The following PLEKHA5 variants were observed in gnomAD, a reference collection of about 807,000 sequenced individuals.
PLEKHA5 encodes pleckstrin homology domain containing A5.
Under a neutral mutation model 181.9 loss-of-function variants are expected in PLEKHA5, and 55 were observed. The ratio of observed to expected loss-of-function variants is 0.30; its 90% CI spans 0.24 to 0.38. The LOEUF is 0.38. Ranked by LOEUF, PLEKHA5 falls within the 10% of genes least tolerant of loss-of-function variation. PLEKHA5 has a pLI of 1.00. For missense variants in PLEKHA5, 1,432 were observed against 1,549.5 expected (o/e 0.92, Z 1.27); for synonymous variants, 535 against 529.4 (o/e 1.01, Z -0.15).
At chr12:19,217,781 G>A (rs2058228821) in intron 3 of PLEKHA5, among the ~76,000 whole-genome samples, 1 of 152,200 alleles carries the variant, frequency 6.6e-6, no homozygotes, top group Non-Finnish European at 1.5e-5. Context: ...TCAGTAGCAT[G>A]ATTGGTGTGG....
At chr12:19,337,450 G>A (rs1758053776) in intron 21 of PLEKHA5, among the ~76,000 whole-genome samples, 1 of 149,956 alleles carries the variant, frequency 6.7e-6, no homozygotes, top group African/African-American at 2.5e-5. Context: ...TTGGGAGGCT[G>A]AGGCAGGAGA....
rs1342504826 is a variant in PLEKHA5, at chr12:19,151,802, A to G, written c.227+19352A>G. The G allele has an allele frequency of 2.6e-5, 4 of 151,800 alleles. No homozygotes were observed. The East Asian group carries it at 5.8e-4, about 22-fold the overall frequency. The allele number at this position is 151,800 out of a possible 1,614,324, so 9.4% of individuals were successfully genotyped here. The stretch of plus-strand genomic sequence containing the variant: ...TCAAAGATCTAAGCCTGGAACCTGG[A>G]CTTAAAAAAAAAATTCAAGGATCAA... On this transcript the variant is annotated intron_variant, in intron 3 of 31. Coordinates refer to ENST00000429027, the MANE Select transcript of PLEKHA5 (RefSeq NM_001256470.2).
intron 3 of PLEKHA5, chr12:19,154,299 T>C (rs2041166207): frequency 6.6e-6 from 1 of 152,310 alleles, no homozygotes; most frequent in Admixed American, 6.5e-5. Context: ...TTTTCCAGTT[T>C]TATAAACTTT....
chr12:19,349,643 A>AT (rs1381745651), intron 25 of PLEKHA5, among the ~76,000 whole-genome samples: 6 of 151,950 alleles, frequency 3.9e-5, no homozygotes, highest in African/African-American at 1.5e-4. Context: ...GTGGTGGCTA[A>AT]CGCCTGTAAT....
intron 3 of PLEKHA5, among the ~76,000 whole-genome samples, chr12:19,191,088 C>T (rs115585071): frequency 6.8e-4 from 103 of 152,250 alleles, no homozygotes; most frequent in African/African-American, 2.4e-3. Flanking sequence ...GACCCACTGT[C>T]CACTTTATAT....
At chr12:19,173,481 T>C (rs1217878577) in intron 3 of PLEKHA5, among the ~76,000 whole-genome samples, 6 of 152,124 alleles carry the variant, frequency 3.9e-5, no homozygotes, top group Non-Finnish European at 8.8e-5. Context: ...ATGTGCTCCA[T>C]TATCGGAGCC....
Position 19,344,285 on chromosome 12 carries a change from T to C in PLEKHA5, c.2662+851T>C, listed in dbSNP as rs148232074. Among the ~76,000 whole-genome samples the C allele has an allele frequency of 8.9e-3, 1,357 of 152,220 alleles. 10 individuals carry two copies. The highest frequency in any genetic ancestry group is 0.027 in the African/African-American group (1,134 of 41,548). ...TAAAAAGTGAAAGCTCTGTCAACCATACCTAAACAAAAATAATTATTGTCT... is the reference window on the plus strand; with the variant it reads ...TAAAAAGTGAAAGCTCTGTCAACCACACCTAAACAAAAATAATTATTGTCT... On this transcript the variant is annotated intron_variant, in intron 22 of 31. Transcript: ENST00000429027.
intron 3 of PLEKHA5, among the ~76,000 whole-genome samples, chr12:19,135,135 C>T (rs1485848121): frequency 6.6e-6 from 1 of 152,144 alleles, no homozygotes; most frequent in African/African-American, 2.4e-5. Context: ...GTTGTTTCTG[C>T]TTCCATTGTG....
chr12:19,142,330 C>G (rs1489673850), intron 3 of PLEKHA5, among the ~76,000 whole-genome samples: 1 of 152,168 alleles, frequency 6.6e-6, no homozygotes, highest in East Asian at 1.9e-4. Context: ...GATCATGCCA[C>G]TGCACTTCAG....
intron 30 of PLEKHA5, 111 bp from the exon 31 acceptor site, chr12:19,369,582 C>A (rs1329110482): frequency 1.0e-5 from 6 of 599,502 alleles, no homozygotes; most frequent in African/African-American, 9.3e-5. Context: ...GTATCTATTA[C>A]TTCCTTCTCA....
intron 3 of PLEKHA5, among the ~76,000 whole-genome samples, chr12:19,186,032 G>T (rs1297326604): frequency 1.3e-5 from 2 of 152,040 alleles, no homozygotes; most frequent in Non-Finnish European, 2.9e-5. Flanking sequence ...AAATATACTT[G>T]CCAACCACAT....
intron 15 of PLEKHA5, among the ~76,000 whole-genome samples, chr12:19,310,112 G>A (rs1221153079): frequency 6.6e-6 from 1 of 152,034 alleles, no homozygotes; most frequent in Non-Finnish European, 1.5e-5. Context: ...TGTATTACCT[G>A]TTACTTCAAA....
chr12:19,278,925 G>A (rs2075338184), intron 11 of PLEKHA5, among the ~76,000 whole-genome samples: 1 of 152,100 alleles, frequency 6.6e-6, no homozygotes, highest in African/African-American at 2.4e-5. Flanking sequence ...AAATCCTGAA[G>A]AACAACCACC....
At chr12:19,163,691 T>TATCC (rs1288376411) in intron 3 of PLEKHA5, among the ~76,000 whole-genome samples, 4 of 152,014 alleles carry the variant, frequency 2.6e-5, no homozygotes, top group African/African-American at 9.7e-5. Flanking sequence ...TCTATCTATC[T>TATCC]ATCTCTTTCC....
intron 3 of PLEKHA5, among the ~76,000 whole-genome samples, chr12:19,146,868 CT>C (rs1415026281): frequency 6.6e-6 from 1 of 152,190 alleles, no homozygotes; most frequent in Admixed American, 6.5e-5. Flanking sequence ...AGCTGTATTA[CT>C]TTGATAAAAT....
At chr12:19,157,211 G>T (rs1285810816) in intron 3 of PLEKHA5, among the ~76,000 whole-genome samples, 1 of 151,512 alleles carries the variant, frequency 6.6e-6, no homozygotes. Flanking sequence ...AAATTACAAA[G>T]AAAAAGTTTT....
intron 3 of PLEKHA5, chr12:19,205,374 T>C (rs1488560661): frequency 1.0e-6 from 1 of 984,866 alleles, no homozygotes; most frequent in Non-Finnish European, 1.2e-6. Flanking sequence ...AGGAAGCATG[T>C]AATTTGTCTT....
At chr12:19,199,414 C>G (rs1392408092) in intron 3 of PLEKHA5, among the ~76,000 whole-genome samples, 1 of 152,100 alleles carries the variant, frequency 6.6e-6, no homozygotes, top group African/African-American at 2.4e-5. Flanking sequence ...AGGAGTGTCA[C>G]TGGTTTGTCC....
chr12:19,251,935 C>T (rs1189412668), intron 3 of PLEKHA5, among the ~76,000 whole-genome samples: 1 of 152,030 alleles, frequency 6.6e-6, no homozygotes, highest in African/African-American at 2.4e-5. Flanking sequence ...AGACAATGGT[C>T]AGGACCTAAC....
Sources: gnomAD v4.1 joint callset for allele counts (sites outside exome capture counted in the v4.1 genomes callset) on GRCh38, gnomAD v4.1.1 for gene constraint, MANE v1.5 for transcripts, NCBI Gene and HGNC (gene_info 2026-07-23, HGNC 2026-07-21) for gene names.